NRCAM: variants seen among roughly 807,000 people sequenced by gnomAD.
The protein encoded by NRCAM is neuronal cell adhesion molecule.
In NRCAM, 83 loss-of-function variants were observed where a neutral mutation model predicts 156.5. That is an observed-to-expected ratio of 0.53 (90% CI 0.44 to 0.64). The LOEUF is 0.64. Ranked by LOEUF, NRCAM falls within the 30% of genes least tolerant of loss-of-function variation. The pLI, the probability that NRCAM is intolerant of heterozygous loss-of-function variation, is 0.00. For synonymous variants in NRCAM, 538 were observed against 563.9 expected, an observed-to-expected ratio of 0.95 and a Z score of 0.65; for missense variants, 1,417 against 1,597.3, an observed-to-expected ratio of 0.89 and a Z score of 1.92.
intron 2 of NRCAM, among the ~76,000 whole-genome samples, chr7:108,322,160 T>C (rs1289637977): frequency 1.3e-5 from 2 of 152,236 alleles, no homozygotes; most frequent in Admixed American, 6.5e-5. Context: ...TTTCGTTTTT[T>C]TTCAAAGCTG....
At chr7:108,273,241 A>G (rs1045371603) in intron 3 of NRCAM, among the ~76,000 whole-genome samples, 1 of 152,222 alleles carries the variant, frequency 6.6e-6, no homozygotes, top group Non-Finnish European at 1.5e-5. Flanking sequence ...AGCATGATTT[A>G]TAATCCTTTG....
chr7:108,195,185 C>T (rs2074271636), intron 15 of NRCAM, among the ~76,000 whole-genome samples: 2 of 152,136 alleles, frequency 1.3e-5, no homozygotes, highest in African/African-American at 4.8e-5. Context: ...TTGTGAAATA[C>T]AGCAGCCTTA....
intron 3 of NRCAM, among the ~76,000 whole-genome samples, chr7:108,276,242 A>G (rs1414978883): frequency 6.6e-6 from 1 of 152,172 alleles, no homozygotes. Context: ...GTAGATGTCT[A>G]TTAGGTCTGG....
At chr7:108,281,768 C>T (rs73201504) in intron 3 of NRCAM, among the ~76,000 whole-genome samples, 6,130 of 152,242 alleles carry the variant, frequency 0.04, 178 homozygotes, top group South Asian at 0.12. Flanking sequence ...AGGCCTGAGC[C>T]GGGGAAGGGG....
intron 32 of NRCAM, 151 bp from the exon 33 acceptor site, chr7:108,150,298 A>G (rs917537106): frequency 4.3e-6 from 3 of 693,576 alleles, no homozygotes; most frequent in East Asian, 2.5e-5. Context: ...AATGACGAGG[A>G]TGAGTTGGAA....
chr7:108,157,310 T>C (rs1342432599), intron 32 of NRCAM, among the ~76,000 whole-genome samples: 1 of 152,106 alleles, frequency 6.6e-6, no homozygotes, highest in African/African-American at 2.4e-5. Context: ...TGAAAACACT[T>C]TACCAACATA....
At chr7:108,231,626 A>C (rs1044025443) in intron 7 of NRCAM, among the ~76,000 whole-genome samples, 1 of 152,202 alleles carries the variant, frequency 6.6e-6, no homozygotes, top group Non-Finnish European at 1.5e-5. Context: ...ATTTCAGAAA[A>C]TGAGCTGGTT....
intron 2 of NRCAM, among the ~76,000 whole-genome samples, chr7:108,354,804 G>C (rs2099472220): frequency 6.6e-6 from 1 of 151,936 alleles, no homozygotes; most frequent in African/African-American, 2.4e-5. Context: ...AGAGGCAGGA[G>C]AATCGCTTGA....
intron 3 of NRCAM, among the ~76,000 whole-genome samples, chr7:108,307,457 T>C (rs960220688): frequency 3.3e-5 from 5 of 152,216 alleles, no homozygotes; most frequent in African/African-American, 9.6e-5. Flanking sequence ...CTCGACTCTT[T>C]CAATAGAAAT....
intron 26 of NRCAM, among the ~76,000 whole-genome samples, chr7:108,177,147 G>GTA (rs1162937897): frequency 6.6e-5 from 10 of 152,100 alleles, no homozygotes; most frequent in Non-Finnish European, 1.0e-4. Context: ...GAAGTTATAT[G>GTA]TATATATTCT....
chr7:108,256,046 T>TG (rs1258341138), intron 3 of NRCAM, among the ~76,000 whole-genome samples: 49 of 148,742 alleles, frequency 3.3e-4, no homozygotes, highest in African/African-American at 6.5e-4. Flanking sequence ...GTCCGGGAGG[T>TG]GGGGGGCGCC....
intron 30 of NRCAM, among the ~76,000 whole-genome samples, chr7:108,163,672 GC>G (rs2050926491): frequency 2.0e-5 from 3 of 152,086 alleles, no homozygotes; most frequent in Non-Finnish European, 4.4e-5. Context: ...GAGGTGGATG[GC>G]ATTAATGAGA....
intron 22 of NRCAM, among the ~76,000 whole-genome samples, chr7:108,183,782 G>A (rs370428058): frequency 1.3e-5 from 2 of 151,974 alleles, no homozygotes; most frequent in Non-Finnish European, 1.5e-5. Context: ...TGATCTGCCC[G>A]CCTCGGCCTC....
intron 11 of NRCAM, among the ~76,000 whole-genome samples, chr7:108,217,614 T>C (rs1216932201): frequency 3.3e-5 from 5 of 152,186 alleles, no homozygotes; most frequent in Admixed American, 2.0e-4. Context: ...AGTGATGCCC[T>C]GCCCAGAGAG....
chr7:108,227,178 C>T (rs748723494), intron 8 of NRCAM, among the ~76,000 whole-genome samples: 7 of 152,212 alleles, frequency 4.6e-5, no homozygotes, highest in African/African-American at 1.4e-4. Flanking sequence ...TGGCCCTTCA[C>T]GGGGCTCCTT....
intron 2 of NRCAM, among the ~76,000 whole-genome samples, chr7:108,319,768 A>G (rs2098978276): frequency 6.6e-6 from 1 of 152,218 alleles, no homozygotes; most frequent in Non-Finnish European, 1.5e-5. Flanking sequence ...TTTTGATACC[A>G]ATGCACAATT....
chr7:108,319,632 C>T (rs1426151292), intron 2 of NRCAM, among the ~76,000 whole-genome samples: 4 of 152,068 alleles, frequency 2.6e-5, no homozygotes, highest in Non-Finnish European at 5.9e-5. Context: ...GTTGTTAAGG[C>T]AGGGGTGTGT....
rs28578635 is a variant in NRCAM, at chr7:108,223,221, G to A, written c.890+504C>T. ...CAGTAGACCCCAAGAGCACTGCTGAGCCACCTAACAGATACATGAGCATGC... is the reference window on the plus strand; with the variant it reads ...CAGTAGACCCCAAGAGCACTGCTGAACCACCTAACAGATACATGAGCATGC... On this transcript the variant is annotated intron_variant, in intron 11 of 32. Coordinates refer to ENST00000379028, the MANE Select transcript of NRCAM (RefSeq NM_001037132.4). 5.5e-3 allele frequency among the ~76,000 whole-genome samples: 840 copies of A among 152,244 alleles called. 7 individuals carry two copies. The highest frequency in any genetic ancestry group is 0.019 in the African/African-American group (795 of 41,542).
intron 15 of NRCAM, 42 bp from the exon 16 acceptor site, chr7:108,194,470 A>G (rs201560273): frequency 6.4e-6 from 9 of 1,411,256 alleles, no homozygotes; most frequent in East Asian, 4.6e-5. Context: ...AAAACACATT[A>G]TATTTTGAAG....
Sources: gnomAD v4.1 joint callset for allele counts (sites outside exome capture counted in the v4.1 genomes callset) on GRCh38, gnomAD v4.1.1 for gene constraint, MANE v1.5 for transcripts, NCBI Gene and HGNC (gene_info 2026-07-23, HGNC 2026-07-21) for gene names.